Variants in PXMP4 observed in about 807,000 individuals in gnomAD.
PXMP4 encodes peroxisomal membrane protein 4, also known as 24 kDa peroxisomal intrinsic membrane protein.
PXMP4 carries 16 observed loss-of-function variants against 21.6 expected under a neutral mutation model. That is an observed-to-expected ratio of 0.74 (90% CI 0.50 to 1.13). The LOEUF is 1.13. Ranked by LOEUF, PXMP4 falls within the 50% of genes most tolerant of loss-of-function variation. PXMP4 has a pLI of 0.00. For missense variants in PXMP4, 240 were observed against 277.7 expected (o/e 0.86, Z 0.96); for synonymous variants, 127 against 123.8 (o/e 1.03, Z -0.17).
intron 2 of PXMP4, among the ~76,000 whole-genome samples, chr20:33,712,176 C>T (rs1444640752): frequency 5.3e-5 from 8 of 152,122 alleles, no homozygotes; most frequent in South Asian, 2.1e-4. Flanking sequence ...TCTCACCCCG[C>T]GCAAACACAG....
rs952626293 is a variant in PXMP4, at chr20:33,703,709, C to T, written c.*3997G>A. 1 of 152,414 alleles carries T rather than the reference C, an allele frequency of 6.6e-6. No individual in the cohort carries two copies. The highest frequency in any genetic ancestry group is 2.4e-5 in the African/African-American group (1 of 41,456). 9.4% of individuals were successfully genotyped at this position (152,414 alleles called of 1,614,324 possible). A position where few individuals can be genotyped will look rare whatever the true frequency, so the allele number is the denominator to read the frequency against. Reference sequence around the variant, plus strand: ...TGGAGCACGCACCTCTGAGTTATCCCACCCGAGGGGTGAGGGATGCGGGCT... The same window carrying T: ...TGGAGCACGCACCTCTGAGTTATCCTACCCGAGGGGTGAGGGATGCGGGCT... On this transcript the variant is annotated 3_prime_UTR_variant, in exon 4 of 4. Transcript: ENST00000409299.
At chr20:33,717,639 C>CAAAAAAAAAAAAAA (rs10666719) in intron 1 of PXMP4, among the ~76,000 whole-genome samples, 38 of 56,522 alleles carry the variant, frequency 6.7e-4, no homozygotes, top group African/African-American at 2.7e-3. Context: ...GACTCCGTCT[C>CAAAAAAAAAAAAAA]AAAAAAAAAA....
chr20:33,717,259 T>C (rs2018392668), intron 1 of PXMP4, among the ~76,000 whole-genome samples: 1 of 152,202 alleles, frequency 6.6e-6, no homozygotes, highest in Non-Finnish European at 1.5e-5. Flanking sequence ...TGGAGGAATA[T>C]ATAATAGATA....
At position 33,706,384 on chromosome 20, in the gene PXMP4, G is replaced by A. The variant is rs538212040; in HGVS notation, c.*1322C>T. 6.6e-6 allele frequency: 1 copy of A among 151,738 alleles called. No homozygotes were observed. Among genetic ancestry groups the A allele is most frequent in the South Asian group, 2.1e-4 (1 of 4,818 alleles). 9.4% of individuals were successfully genotyped at this position (151,738 alleles called of 1,614,324 possible). A position where few individuals can be genotyped will look rare whatever the true frequency, so the allele number is the denominator to read the frequency against. ...AGGCAGGAAGATTGCTTGAGGCTAG[G>A]AGGTCGAGACTAGCCCTAGTGACAG... On this transcript the variant is annotated 3_prime_UTR_variant, in exon 4 of 4. Coordinates refer to ENST00000409299, the MANE Select transcript of PXMP4 (RefSeq NM_007238.5).
chr20:33,713,042 G>A (rs899196590), intron 2 of PXMP4, among the ~76,000 whole-genome samples: 4 of 152,240 alleles, frequency 2.6e-5, no homozygotes, highest in African/African-American at 9.6e-5. Flanking sequence ...GATTATAGGC[G>A]TGAGCCACTG....
Position 33,707,684 on chromosome 20 carries a change from A to G in PXMP4, c.*22T>C. 1 of 1,607,524 alleles carries G rather than the reference A, an allele frequency of 6.2e-7. No individual in the cohort carries two copies. The highest frequency in any genetic ancestry group is 8.5e-7 in the Non-Finnish European group (1 of 1,175,232). On this transcript the variant is annotated 3_prime_UTR_variant, in exon 4 of 4. Coordinates refer to ENST00000409299, the MANE Select transcript of PXMP4 (RefSeq NM_007238.5). ...TGCATGGGGCCAAATCTTGAGCCAC[A>G]GCCAGACACCTCAGGGCTGCATTAA...
intron 3 of PXMP4, among the ~76,000 whole-genome samples, chr20:33,709,374 T>C (rs1316377204): frequency 3.3e-5 from 5 of 152,170 alleles, no homozygotes; most frequent in African/African-American, 9.7e-5. Context: ...AAAAGCGAAG[T>C]TTAACCCAGA....
intron 2 of PXMP4, 116 bp from the exon 3 acceptor site, chr20:33,710,869 CACCGGCCTCT>C: frequency 2.9e-6 from 3 of 1,021,610 alleles, no homozygotes; most frequent in Non-Finnish European, 4.2e-6. Context: ...CTCATTCAGT[CACCGGCCTCT>C]ACCCTTCATG....
Position 33,720,295 on chromosome 20 carries a change from A to T in PXMP4, c.-88T>A. The T allele has an allele frequency of 8.6e-7, 1 of 1,165,672 alleles. No homozygotes were observed. Among genetic ancestry groups the T allele is most frequent in the Non-Finnish European group, 1.2e-6 (1 of 815,752 alleles). 72.2% of individuals were successfully genotyped at this position (1,165,672 alleles called of 1,614,324 possible). A position where few individuals can be genotyped will look rare whatever the true frequency, so the allele number is the denominator to read the frequency against. On this transcript the variant is annotated 5_prime_UTR_variant, in exon 1 of 4. Coordinates refer to ENST00000409299, the MANE Select transcript of PXMP4 (RefSeq NM_007238.5). ...AGCTGCGCGCCCACAGCCCCTCGGT[A>T]GCGCCGCCGACTCGTGGCGTCTATA... is the stretch of plus-strand genomic sequence containing the variant.
intron 2 of PXMP4, among the ~76,000 whole-genome samples, chr20:33,711,458 A>G (rs537217435): frequency 6.6e-6 from 1 of 152,270 alleles, no homozygotes; most frequent in African/African-American, 2.4e-5. Flanking sequence ...CCATGGGCAG[A>G]GAACCAGAGA....
intron 1 of PXMP4, among the ~76,000 whole-genome samples, chr20:33,717,658 A>AAAAAAAAAAAAT (rs1555866644): frequency 3.6e-5 from 5 of 137,502 alleles, no homozygotes; most frequent in African/African-American, 1.2e-4. Flanking sequence ...AAAAAAAAAA[A>AAAAAAAAAAAAT]TTATTAAATA....
At chr20:33,718,759 C>G (rs1372377413) in intron 1 of PXMP4, among the ~76,000 whole-genome samples, 1 of 152,142 alleles carries the variant, frequency 6.6e-6, no homozygotes, top group Non-Finnish European at 1.5e-5. Flanking sequence ...GCCTTTTCAT[C>G]TGGAAAATGG....
rs756751235 is a variant in PXMP4, at chr20:33,703,342, G to A, written c.*4364C>T. The A allele has an allele frequency of 1.3e-5, 2 of 152,354 alleles. No individual in the cohort carries two copies. Among genetic ancestry groups the A allele is most frequent in the Non-Finnish European group, 1.5e-5 (1 of 68,034 alleles). 9.4% of individuals were successfully genotyped at this position (152,354 alleles called of 1,614,324 possible). On this transcript the variant is annotated 3_prime_UTR_variant, in exon 4 of 4. Transcript: ENST00000409299. The stretch of plus-strand genomic sequence containing the variant: ...TATTCTTTAACCCTCCACACCACTC[G>A]ATGAGGTGTGTGCTACGACAACGCC...
intron 1 of PXMP4, among the ~76,000 whole-genome samples, chr20:33,717,406 C>T (rs1054720118): frequency 5.3e-5 from 8 of 151,214 alleles, no homozygotes; most frequent in Admixed American, 2.0e-4. Context: ...TTTGGGAGGC[C>T]GAGGCGGGCG....
chr20:33,705,933 T>A lies in PXMP4; in HGVS notation c.*1773A>T, dbSNP rs201016282. 6.6e-6 allele frequency: 1 copy of A among 152,048 alleles called. No homozygotes were observed. The highest frequency in any genetic ancestry group is 2.4e-5 in the African/African-American group (1 of 41,398). The allele number at this position is 152,048 out of a possible 1,614,324, so 9.4% of individuals were successfully genotyped here. ...CTCAGTTTCTTTTCTTTTCTTTTTT[T>A]ATTTTTTTTTTAGACACAGTCTCGC... On this transcript the variant is annotated 3_prime_UTR_variant, in exon 4 of 4. Transcript: ENST00000409299.
intron 2 of PXMP4, among the ~76,000 whole-genome samples, chr20:33,711,868 G>T (rs562816349): frequency 6.6e-6 from 1 of 151,770 alleles, no homozygotes; most frequent in South Asian, 2.1e-4. Flanking sequence ...TGGCACACGC[G>T]TGTAGTTCCT....
chr20:33,718,293 G>C (rs866458731), intron 1 of PXMP4, among the ~76,000 whole-genome samples: 2 of 151,992 alleles, frequency 1.3e-5, no homozygotes, highest in African/African-American at 4.8e-5. Context: ...GGCCGATCAC[G>C]AGGTCAGGAG....
At chr20:33,718,826 A>C (rs1027150090) in intron 1 of PXMP4, among the ~76,000 whole-genome samples, 1 of 152,234 alleles carries the variant, frequency 6.6e-6, no homozygotes, top group African/African-American at 2.4e-5. Context: ...AATATTTCAG[A>C]AACTACTAAA....
intron 1 of PXMP4, 79 bp downstream of exon 1, chr20:33,720,016 G>T: frequency 7.5e-7 from 1 of 1,338,456 alleles, no homozygotes; most frequent in East Asian, 2.3e-5. Context: ...CAGCACCGCG[G>T]CATCGGACTT....
Sources: allele counts gnomAD v4.1 joint callset (sites outside exome capture counted in the v4.1 genomes callset), GRCh38; gene constraint gnomAD v4.1.1; transcripts MANE v1.5; gene names NCBI Gene and HGNC (gene_info 2026-07-23, HGNC 2026-07-21).